The following COL13A1 variants were observed in gnomAD, a reference collection of about 807,000 sequenced individuals.
The protein encoded by COL13A1 is collagen type XIII alpha 1 chain, also known as collagen alpha-1(XIII) chain.
Under a neutral mutation model 130.9 loss-of-function variants are expected in COL13A1, and 89 were observed. That is an observed-to-expected ratio of 0.68 (90% confidence interval 0.57 to 0.81). The LOEUF is 0.81. COL13A1 is among the 30% of genes least tolerant of loss of function. The probability of loss-of-function intolerance (pLI) is 0.00; values close to 1 mark genes in which losing one functional copy is unlikely to be tolerated. For synonymous variants in COL13A1, 402 were observed against 341.6 expected (o/e 1.18, Z -1.95); for missense variants, 879 against 934.6 (o/e 0.94, Z 0.78).
At chr10:69,875,387 C>T (rs1357332705) in intron 5 of COL13A1, among the ~76,000 whole-genome samples, 1 of 152,222 alleles carries the variant, frequency 6.6e-6, no homozygotes, top group African/African-American at 2.4e-5. Flanking sequence ...CTCCAGAGAG[C>T]TGCCACAGCA....
intron 3 of COL13A1, 84 bp from the exon 4 acceptor site, chr10:69,872,100 G>C: frequency 6.5e-7 from 1 of 1,542,534 alleles, no homozygotes; most frequent in Non-Finnish European, 9.0e-7. Context: ...GCATGCCAAG[G>C]TCACACAGCT....
intron 40 of COL13A1, among the ~76,000 whole-genome samples, 186 bp downstream of exon 40, chr10:69,957,228 C>T (rs998874168): frequency 6.6e-6 from 1 of 152,170 alleles, no homozygotes; most frequent in Non-Finnish European, 1.5e-5. Context: ...TTTTAAAATG[C>T]TTCTTAGAAC....
chr10:69,875,397 A>G (rs1428799495), intron 5 of COL13A1, among the ~76,000 whole-genome samples: 1 of 152,236 alleles, frequency 6.6e-6, no homozygotes, highest in African/African-American at 2.4e-5. Flanking sequence ...CTGCCACAGC[A>G]AAGGAAAAAC....
In COL13A1 at chr10:69,868,004, C is replaced by T. The variant is rs904135024; in HGVS notation, c.372+199C>T. ...GCTTTTCACCCACTTCTGCACCCCT[C>T]CAGGGCAAGACAATGGCTGCCCCCA... On this transcript the variant is annotated intron_variant, in intron 3 of 40. Transcript: ENST00000645393. Among the ~76,000 whole-genome samples the T allele has an allele frequency of 5.3e-5, 8 of 152,228 alleles. No homozygotes were observed. In the East Asian group the frequency reaches 1.5e-3, roughly 29 times the overall value.
chr10:69,849,021 G>A (rs1853949800), intron 2 of COL13A1, among the ~76,000 whole-genome samples: 1 of 152,160 alleles, frequency 6.6e-6, no homozygotes, highest in African/African-American at 2.4e-5. Context: ...GACCCATGTG[G>A]GCAATTCATC....
intron 17 of COL13A1, among the ~76,000 whole-genome samples, chr10:69,916,458 T>C (rs2063935954): frequency 6.6e-6 from 1 of 152,178 alleles, no homozygotes; most frequent in Admixed American, 6.5e-5. Context: ...ACTCCCCTGA[T>C]GTAGCCGATG....
chr10:69,817,730 G>A (rs1427731751), intron 1 of COL13A1, among the ~76,000 whole-genome samples: 5 of 151,940 alleles, frequency 3.3e-5, no homozygotes, highest in East Asian at 1.9e-4. Flanking sequence ...CAGAATTTGA[G>A]CCGGGCACGG....
At chr10:69,819,371 TAGATGAC>T (rs1845447095) in intron 1 of COL13A1, among the ~76,000 whole-genome samples, 3 of 152,060 alleles carry the variant, frequency 2.0e-5, no homozygotes, top group African/African-American at 7.2e-5. Context: ...GGTCTATGAG[TAGATGAC>T]TTACTTATTT....
intron 32 of COL13A1, among the ~76,000 whole-genome samples, chr10:69,936,162 AAGGAAGGAAGGAAGGAAAGGAAAGG>A (rs2066877304): frequency 1.5e-4 from 1 of 6,844 alleles, no homozygotes; most frequent in Non-Finnish European, 3.8e-4. Context: ...GGAAGGAAGG[AAGGAAGGAAGGAAGGAAAGGAAAGG>A]AAGGAAGGAA....
chr10:69,905,051 G>A, intron 16 of COL13A1, 92 bp downstream of exon 16: 1 of 1,406,644 alleles, frequency 7.1e-7, no homozygotes, highest in Non-Finnish European at 9.8e-7. Flanking sequence ...TGAGGCAGGA[G>A]CAGAGAGGGA....
chr10:69,897,338 C>T, intron 13 of COL13A1: 3 of 836,262 alleles, frequency 3.6e-6, no homozygotes, highest in Non-Finnish European at 5.5e-6. Context: ...CCAGGTGGCC[C>T]CTCCTCCATT....
intron 6 of COL13A1, among the ~76,000 whole-genome samples, chr10:69,879,186 G>C (rs771295517): frequency 6.6e-6 from 1 of 152,124 alleles, no homozygotes; most frequent in Non-Finnish European, 1.5e-5. Context: ...AGGTGCCCCA[G>C]TGTGTCTGAC....
At chr10:69,808,130 G>A (rs1239782232) in intron 1 of COL13A1, among the ~76,000 whole-genome samples, 1 of 152,196 alleles carries the variant, frequency 6.6e-6, no homozygotes, top group African/African-American at 2.4e-5. Flanking sequence ...CTTCGAACTA[G>A]CAGATAGCTC....
In COL13A1 at chr10:69,802,658, C is replaced by A. The variant is rs778197520; in HGVS notation, c.235C>A (p.Arg79Ser). The change falls in exon 1 of 41, where the codon CGC becomes AGC. Residue 79 changes from arginine to serine, a missense_variant. This residue lies in a region of COL13A1 where 715 missense variants were observed against 721.0 expected (regional missense o/e 0.99). Coordinates refer to ENST00000645393, the MANE Select transcript of COL13A1 (RefSeq NM_001368882.1). ...CCGGGTGCTGCGCCTGGAAGCGGAG[C>A]GCGGGGAGCAGCAAATGGAGACGGC... Reference protein sequence around the residue: ...QARVLRLEAERGEQQMETAIL... With the variant: ...QARVLRLEAESGEQQMETAIL... 4 of 1,613,438 alleles carry A rather than the reference C, an allele frequency of 2.5e-6. No homozygotes were observed. Among genetic ancestry groups the A allele is most frequent in the Non-Finnish European group, 3.4e-6 (4 of 1,179,562 alleles).
intron 10 of COL13A1, among the ~76,000 whole-genome samples, chr10:69,893,333 C>T (rs1326575432): frequency 1.3e-5 from 2 of 152,244 alleles, no homozygotes; most frequent in Admixed American, 6.5e-5. Context: ...TTCTGGACAA[C>T]AGAGCGAGAC....
intron 2 of COL13A1, among the ~76,000 whole-genome samples, chr10:69,824,579 C>T (rs1024065003): frequency 2.6e-5 from 4 of 152,064 alleles, no homozygotes; most frequent in East Asian, 1.9e-4. Flanking sequence ...GTGGAACCCA[C>T]TGGTCCTGGG....
chr10:69,887,648 G>A (rs970031584), intron 8 of COL13A1, among the ~76,000 whole-genome samples, 157 bp downstream of exon 8: 2 of 152,158 alleles, frequency 1.3e-5, no homozygotes, highest in Non-Finnish European at 2.9e-5. Context: ...ACCAACTCAG[G>A]ACAGTAGCTC....
chr10:69,932,460 C>A, intron 30 of COL13A1, 100 bp from the exon 31 acceptor site: 1 of 800,960 alleles, frequency 1.2e-6, no homozygotes, highest in Non-Finnish European at 2.2e-6. Flanking sequence ...GACCCCTAGA[C>A]CAGTCACGTC....
chr10:69,956,897 A>G (rs1013428464), intron 39 of COL13A1, 107 bp from the exon 40 acceptor site: 32 of 832,372 alleles, frequency 3.8e-5, no homozygotes, highest in Non-Finnish European at 6.5e-5. Flanking sequence ...GGTGGGCCAC[A>G]TCCTGATCAG....
Sources: allele counts gnomAD v4.1 joint callset (sites outside exome capture counted in the v4.1 genomes callset), GRCh38; gene constraint gnomAD v4.1.1; regional missense constraint gnomAD v4.1.1; transcripts MANE v1.5; gene names NCBI Gene and HGNC (gene_info 2026-07-23, HGNC 2026-07-21).